Variants in ITFG1 observed in about 807,000 individuals in gnomAD.
ITFG1 encodes the protein T-cell immunomodulatory protein.
ITFG1 carries 34 observed loss-of-function variants against 81.8 expected under a neutral mutation model. The ratio of observed to expected loss-of-function variants is 0.42; its 90% CI spans 0.32 to 0.55. The LOEUF is 0.55. Ranked by LOEUF, ITFG1 falls within the 20% of genes least tolerant of loss-of-function variation. ITFG1 has a pLI of 0.17. For synonymous variants in ITFG1, 285 were observed against 270.6 expected (o/e 1.05, Z -0.52); for missense variants, 672 against 755.4 (o/e 0.89, Z 1.29).
intron 6 of ITFG1, among the ~76,000 whole-genome samples, chr16:47,405,901 A>G (rs1173942925): frequency 2.0e-5 from 3 of 152,226 alleles, no homozygotes; most frequent in Non-Finnish European, 4.4e-5. Context: ...ACTTATAATT[A>G]TGAAATAAGC....
At chr16:47,411,745 T>C (rs936158127) in intron 6 of ITFG1, among the ~76,000 whole-genome samples, 2 of 152,084 alleles carry the variant, frequency 1.3e-5, no homozygotes, top group African/African-American at 4.8e-5. Flanking sequence ...TCCTAATGAT[T>C]GGAGGTGGCT....
At chr16:47,265,992 T>C (rs1269511589) in intron 10 of ITFG1, among the ~76,000 whole-genome samples, 6 of 152,162 alleles carry the variant, frequency 3.9e-5, no homozygotes. Context: ...ATATGGAATA[T>C]ACAAGAAACT....
intron 6 of ITFG1, among the ~76,000 whole-genome samples, chr16:47,377,659 T>G (rs1461598112): frequency 6.6e-6 from 1 of 152,188 alleles, no homozygotes. Context: ...CTCTTCCTTC[T>G]AGAGTTCCTT....
At chr16:47,329,550 T>G (rs1456700314) in intron 8 of ITFG1, among the ~76,000 whole-genome samples, 1 of 152,148 alleles carries the variant, frequency 6.6e-6, no homozygotes, top group African/African-American at 2.4e-5. Context: ...ATCTGTAAAA[T>G]GCATACTATC....
chr16:47,396,079 G>A, intron 6 of ITFG1: 5 of 700,358 alleles, frequency 7.1e-6, no homozygotes, highest in Non-Finnish European at 8.8e-6. Flanking sequence ...TTTAGTCTAC[G>A]TGATAGTAGC....
chr16:47,162,219 T>C (rs769955597), intron 15 of ITFG1, among the ~76,000 whole-genome samples: 6 of 151,788 alleles, frequency 4.0e-5, no homozygotes, highest in Non-Finnish European at 5.9e-5. Context: ...ATATGTATAA[T>C]AATATTATTT....
At chr16:47,167,914 C>A (rs1964913269) in intron 14 of ITFG1, among the ~76,000 whole-genome samples, 1 of 152,142 alleles carries the variant, frequency 6.6e-6, no homozygotes, top group African/African-American at 2.4e-5. Flanking sequence ...ACAAATACCT[C>A]TTTGAGACCC....
intron 5 of ITFG1, among the ~76,000 whole-genome samples, chr16:47,431,464 C>T (rs1969094871): frequency 6.6e-6 from 1 of 152,104 alleles, no homozygotes; most frequent in Non-Finnish European, 1.5e-5. Flanking sequence ...CGAAACCACC[C>T]CCACCACCTG....
chr16:47,393,220 C>T (rs1349027761), intron 6 of ITFG1, among the ~76,000 whole-genome samples: 1 of 152,176 alleles, frequency 6.6e-6, no homozygotes, highest in Non-Finnish European at 1.5e-5. Flanking sequence ...TCCTGGCCCT[C>T]TAACAAGAGC....
intron 14 of ITFG1, among the ~76,000 whole-genome samples, chr16:47,176,745 A>C (rs139184015): frequency 1.3e-5 from 2 of 152,304 alleles, no homozygotes; most frequent in African/African-American, 4.8e-5. Flanking sequence ...GCAGGATGGG[A>C]TGGAGAAAGA....
intron 5 of ITFG1, among the ~76,000 whole-genome samples, chr16:47,445,051 T>C (rs1233632297): frequency 6.7e-6 from 1 of 148,858 alleles, no homozygotes; most frequent in Non-Finnish European, 1.5e-5. Flanking sequence ...TCAGAATACA[T>C]CAACATGGAC....
intron 12 of ITFG1, among the ~76,000 whole-genome samples, chr16:47,252,314 A>T (rs1314398041): frequency 6.6e-6 from 1 of 152,214 alleles, no homozygotes; most frequent in Non-Finnish European, 1.5e-5. Flanking sequence ...ACCCAGAGGC[A>T]GGCAAGGGGA....
chr16:47,228,694 A>C (rs1385363496), intron 13 of ITFG1, among the ~76,000 whole-genome samples: 1 of 152,226 alleles, frequency 6.6e-6, no homozygotes, highest in Non-Finnish European at 1.5e-5. Context: ...CTTGTCCTGT[A>C]CTTTGTCAGA....
intron 6 of ITFG1, among the ~76,000 whole-genome samples, chr16:47,420,523 C>T (rs1018452700): frequency 7.2e-5 from 11 of 152,142 alleles, no homozygotes; most frequent in Admixed American, 6.5e-4. Flanking sequence ...GGAGGTGGGC[C>T]TAAGAGGAAG....
chr16:47,318,808 A>G (rs1967405429), intron 8 of ITFG1, among the ~76,000 whole-genome samples: 1 of 152,224 alleles, frequency 6.6e-6, no homozygotes, highest in South Asian at 2.1e-4. Flanking sequence ...GCTTTAAAAT[A>G]AAATTATATT....
rs189569953 is a variant in ITFG1, at chr16:47,273,787, T to A, written c.1071-13092A>T. On this transcript the variant is annotated intron_variant, in intron 10 of 17. Transcript: ENST00000320640. The stretch of plus-strand genomic sequence containing the variant: ...ATATTCAAAAGAATCTATTAGTTTG[T>A]TTGTTTATTTATTTATTTATTTATT... 2.4e-3 allele frequency among the ~76,000 whole-genome samples: 358 copies of A among 151,600 alleles called. 1 individual carries two copies. The highest frequency in any genetic ancestry group is 8.2e-3 in the African/African-American group (335 of 40,942).
intron 13 of ITFG1, among the ~76,000 whole-genome samples, chr16:47,236,489 A>G (rs993739822): frequency 1.3e-5 from 2 of 151,574 alleles, no homozygotes; most frequent in African/African-American, 4.8e-5. Context: ...AAAAAAAAAA[A>G]AAAAAAAAGT....
chr16:47,451,353 A>AAT (rs1969386250), intron 5 of ITFG1, 43 bp downstream of exon 5: 1 of 1,038,608 alleles, frequency 9.6e-7, no homozygotes, highest in Non-Finnish European at 1.5e-6. Context: ...AAGTAGAAGC[A>AAT]ATATATACGA....
At chr16:47,236,714 A>G (rs1183280761) in intron 13 of ITFG1, among the ~76,000 whole-genome samples, 1 of 152,200 alleles carries the variant, frequency 6.6e-6, no homozygotes, top group Non-Finnish European at 1.5e-5. Context: ...AACCAAGTTA[A>G]TCTTTAGGCT....
Sources: allele counts gnomAD v4.1 joint callset (sites outside exome capture counted in the v4.1 genomes callset), GRCh38; gene constraint gnomAD v4.1.1; transcripts MANE v1.5; gene names NCBI Gene and HGNC (gene_info 2026-07-23, HGNC 2026-07-21).